Variants in SLC4A10 observed in about 807,000 individuals in gnomAD.
SLC4A10 encodes solute carrier family 4 member 10.
In SLC4A10, 42 loss-of-function variants were observed where a neutral mutation model predicts 137.7. That is an observed-to-expected ratio of 0.30 (90% confidence interval 0.24 to 0.39). SLC4A10 has a LOEUF of 0.39. Ranked by LOEUF, SLC4A10 falls within the 10% of genes least tolerant of loss-of-function variation. SLC4A10 has a pLI of 1.00. For synonymous variants in SLC4A10, 474 were observed against 464.1 expected, an observed-to-expected ratio of 1.02 and a Z score of -0.27; for missense variants, 925 against 1,355.0, an observed-to-expected ratio of 0.68 and a Z score of 4.98.
chr2:161,885,036 G>C (rs923792513), intron 10 of SLC4A10, among the ~76,000 whole-genome samples: 21 of 152,122 alleles, frequency 1.4e-4, no homozygotes, highest in Non-Finnish European at 2.9e-4. Context: ...AAATTAGCTG[G>C]GTGTGGTGGC....
At chr2:161,874,131 T>G (rs2061323294) in intron 8 of SLC4A10, 126 bp downstream of exon 8, 2 of 974,404 alleles carry the variant, frequency 2.1e-6, no homozygotes, top group East Asian at 2.7e-5. Context: ...ACTATCTTTT[T>G]AAAGCATTGC....
rs374952514 is a variant in SLC4A10, at chr2:161,833,384, CTA to C, written c.278-6402_278-6401del. 8.2e-4 allele frequency among the ~76,000 whole-genome samples: 125 copies of C among 152,236 alleles called. 1 individual carries two copies. The highest frequency in any genetic ancestry group is 7.9e-3 in the South Asian group (38 of 4,822). On this transcript the variant is annotated intron_variant, in intron 3 of 26. Transcript: ENST00000446997. Reference sequence around the variant, plus strand: ...TGGAAGAGACAAAATCAAGGGGAAACTATAGATGAGGCATTAATTAGTATTGC... The same window carrying C: ...TGGAAGAGACAAAATCAAGGGGAAACTAGATGAGGCATTAATTAGTATTGC...
chr2:161,903,956 T>A, intron 12 of SLC4A10, 48 bp from the exon 13 acceptor site: 11 of 1,506,316 alleles, frequency 7.3e-6, no homozygotes, highest in Non-Finnish European at 9.8e-6. Context: ...TTGACTTGTG[T>A]GTTTTTTATA....
intron 19 of SLC4A10, 49 bp from the exon 20 acceptor site, chr2:161,956,940 C>T: frequency 6.6e-7 from 1 of 1,521,668 alleles, no homozygotes. Flanking sequence ...CCACCCTTAG[C>T]CCTGTTATTG....
chr2:161,631,573 T>C (rs1316598552), intron 1 of SLC4A10, among the ~76,000 whole-genome samples: 1 of 151,662 alleles, frequency 6.6e-6, no homozygotes, highest in Admixed American at 6.6e-5. Flanking sequence ...TCTTCAAAGC[T>C]GAGTTAAGAG....
chr2:161,855,670 A>T (rs1234243559), intron 5 of SLC4A10, among the ~76,000 whole-genome samples: 1 of 152,152 alleles, frequency 6.6e-6, no homozygotes, highest in Non-Finnish European at 1.5e-5. Context: ...ATGATATCTT[A>T]TAATACAGAC....
At chr2:161,664,711 C>T (rs201851507) in intron 1 of SLC4A10, among the ~76,000 whole-genome samples, 56 of 148,416 alleles carry the variant, frequency 3.8e-4, no homozygotes, top group Middle Eastern at 3.4e-3. Flanking sequence ...ATTTTTTCTC[C>T]TTTTTTTTTT....
At chr2:161,971,611 A>T (rs560611632) in intron 23 of SLC4A10, among the ~76,000 whole-genome samples, 1 of 152,308 alleles carries the variant, frequency 6.6e-6, no homozygotes, top group South Asian at 2.1e-4. Context: ...TCTGATTGAG[A>T]TAACCTAGGT....
intron 1 of SLC4A10, among the ~76,000 whole-genome samples, chr2:161,736,488 G>T (rs1180697622): frequency 6.6e-6 from 1 of 152,142 alleles, no homozygotes; most frequent in Non-Finnish European, 1.5e-5. Context: ...TGCATGGCTG[G>T]GGAGGCCTCA....
At chr2:161,816,484 T>C (rs1351633760) in intron 3 of SLC4A10, among the ~76,000 whole-genome samples, 1 of 152,092 alleles carries the variant, frequency 6.6e-6, no homozygotes, top group Non-Finnish European at 1.5e-5. Context: ...GGCACTCTTT[T>C]TTTTATTATT....
chr2:161,836,588 GAAAGAAAGA>G lies in SLC4A10; in HGVS notation c.278-3198_278-3190del, dbSNP rs1559359656. Among the ~76,000 whole-genome samples the G allele has an allele frequency of 1.1e-3, 64 of 60,280 alleles. 5 individuals carry two copies. The South Asian group carries it at 0.012, about 11-fold the overall frequency. 39.5% of individuals were successfully genotyped at this position (60,280 alleles called of 152,430 possible). A position where few individuals can be genotyped will look rare whatever the true frequency, so the allele number is the denominator to read the frequency against. On this transcript the variant is annotated intron_variant, in intron 3 of 26. Transcript: ENST00000446997. The stretch of plus-strand genomic sequence containing the variant: ...AGAAAGAAAGAAAGAAAGAAAGAAA[GAAAGAAAGA>G]AAGGAAGGAAGGAAAGAAATGAAAG...
chr2:161,980,837 C>A (rs566587292), intron 26 of SLC4A10, among the ~76,000 whole-genome samples: 55 of 152,140 alleles, frequency 3.6e-4, no homozygotes, highest in Non-Finnish European at 7.6e-4. Context: ...GAGTTCCTGG[C>A]ATATAATAGA....
intron 1 of SLC4A10, chr2:161,710,597 ATCTT>A: frequency 2.4e-6 from 1 of 411,162 alleles, no homozygotes; most frequent in Non-Finnish European, 4.9e-6. Context: ...TGCAATGTCA[ATCTT>A]TCTTCTTGCA....
intron 1 of SLC4A10, among the ~76,000 whole-genome samples, chr2:161,691,133 A>G (rs1188536619): frequency 3.9e-5 from 6 of 152,130 alleles, no homozygotes; most frequent in Non-Finnish European, 5.9e-5. Flanking sequence ...ATATAAGTAT[A>G]AACTTTCATT....
chr2:161,744,847 T>C (rs574336952), intron 1 of SLC4A10, among the ~76,000 whole-genome samples: 23 of 152,336 alleles, frequency 1.5e-4, no homozygotes, highest in African/African-American at 5.5e-4. Flanking sequence ...AGGTTTATCT[T>C]TTAGTCTTCT....
chr2:161,828,786 ATATATATATATATAT>A lies in SLC4A10; in HGVS notation c.278-11002_278-10988del, dbSNP rs1559342845. ...CTAATTCATATATATATATATATAT[ATATATATATATATAT>A]ATATATATGTATAATCTACATCTGC... On this transcript the variant is annotated intron_variant, in intron 3 of 26. Transcript: ENST00000446997. Among the ~76,000 whole-genome samples the A allele has an allele frequency of 1.1e-4, 12 of 112,258 alleles. 1 individual carries two copies. Among genetic ancestry groups the A allele is most frequent in the African/African-American group, 4.2e-4 (12 of 28,306 alleles). 73.6% of individuals were successfully genotyped at this position (112,258 alleles called of 152,430 possible). A position where few individuals can be genotyped will look rare whatever the true frequency, so the allele number is the denominator to read the frequency against.
intron 6 of SLC4A10, among the ~76,000 whole-genome samples, chr2:161,870,808 A>G (rs952619100): frequency 5.3e-5 from 8 of 151,872 alleles, no homozygotes; most frequent in African/African-American, 1.2e-4. Context: ...AGAATATGCT[A>G]TACTCAGAAT....
At chr2:161,963,832 G>A (rs1426518608) in intron 21 of SLC4A10, among the ~76,000 whole-genome samples, 2 of 152,158 alleles carry the variant, frequency 1.3e-5, no homozygotes, top group African/African-American at 4.8e-5. Flanking sequence ...GGTTAATTAT[G>A]TTTTGCTTCA....
intron 15 of SLC4A10, among the ~76,000 whole-genome samples, chr2:161,940,555 G>A (rs771746630): frequency 2.2e-4 from 33 of 152,152 alleles, no homozygotes; most frequent in African/African-American, 6.5e-4. Context: ...CTCTGAAGCC[G>A]CGCGTCAGAG....
Sources: gnomAD v4.1 joint callset for allele counts (sites outside exome capture counted in the v4.1 genomes callset) on GRCh38, gnomAD v4.1.1 for gene constraint, MANE v1.5 for transcripts, NCBI Gene and HGNC (gene_info 2026-07-23, HGNC 2026-07-21) for gene names.